The following ANKRD44 variants were observed in gnomAD, a reference collection of about 807,000 sequenced individuals.
The protein encoded by ANKRD44 is ankyrin repeat domain 44.
A neutral mutation model predicts 116.0 loss-of-function variants in ANKRD44; 35 were observed. The observed-to-expected ratio is 0.30, with a 90% CI of 0.23 to 0.40. The LOEUF (loss-of-function observed/expected upper bound fraction) is 0.40. Among genes scored for constraint, ANKRD44 ranks in the 10% least tolerant of loss-of-function variants. The pLI is 1.00. For synonymous variants in ANKRD44, 435 were observed against 461.8 expected (o/e 0.94, Z 0.74); for missense variants, 1,014 against 1,242.6 (o/e 0.82, Z 2.77).
chr2:197,184,934 C>A (rs1440207558), intron 2 of ANKRD44, among the ~76,000 whole-genome samples: 1 of 152,210 alleles, frequency 6.6e-6, no homozygotes, highest in Non-Finnish European at 1.5e-5. Context: ...CAGCTAGCAA[C>A]TGTTTTGTCA....
chr2:197,049,597 T>C (rs1370830868), intron 16 of ANKRD44, among the ~76,000 whole-genome samples: 1 of 152,232 alleles, frequency 6.6e-6, no homozygotes, highest in African/African-American at 2.4e-5. Flanking sequence ...TTTTCATGTT[T>C]TGTATATTAT....
At chr2:197,112,693 G>A (rs2078613512) in intron 8 of ANKRD44, among the ~76,000 whole-genome samples, 1 of 141,770 alleles carries the variant, frequency 7.1e-6, no homozygotes, top group Admixed American at 7.5e-5. Flanking sequence ...GGGCGACAGA[G>A]CGAGACTCCG....
chr2:197,083,429 T>C lies in ANKRD44; in HGVS notation c.1397A>G (p.Glu466Gly). Residue 466 changes from glutamate to glycine, a missense_variant, in exon 14 of 28, where the codon GAA becomes GGA. By Grantham distance (98) the Glu-to-Gly change is moderately conservative (BLOSUM62 -2). Coordinates refer to ENST00000282272, the MANE Select transcript of ANKRD44 (RefSeq NM_001195144.2). ...TLVTTGANVN[E>G]TDDWGRTALH... is the part of the protein sequence containing the mutation. ...AGCTGTGCGTCCCCAGTCATCTGTT[T>C]CATTAACGTTGGCCCCTGTGGTCAC... 1 of 1,614,032 alleles carries C rather than the reference T, an allele frequency of 6.2e-7. No homozygotes were observed. Among genetic ancestry groups the C allele is most frequent in the Non-Finnish European group, 8.5e-7 (1 of 1,179,952 alleles).
chr2:197,000,465 C>T lies in ANKRD44; in HGVS notation c.2473G>A (p.Gly825Arg). Residue 825 changes from glycine (G) to arginine (R), a missense_variant, in exon 23 of 28, where the codon GGG becomes AGG. Gly to Arg is a moderately radical substitution (Grantham distance 125, BLOSUM62 -2). Coordinates refer to ENST00000282272, the MANE Select transcript of ANKRD44 (RefSeq NM_001195144.2). ...DHGNCASLLL[G>R]AIDSSIVSCR... Reference sequence around the variant, plus strand: ...CTGACGATACTGGAATCTATGGCCCCAAGCAGCAATGATGCACAATTCCCA... The same window carrying T: ...CTGACGATACTGGAATCTATGGCCCTAAGCAGCAATGATGCACAATTCCCA... 1 of 1,614,092 alleles carries T rather than the reference C, an allele frequency of 6.2e-7. No individual in the cohort carries two copies. Among genetic ancestry groups the T allele is most frequent in the Non-Finnish European group, 8.5e-7 (1 of 1,180,008 alleles).
In ANKRD44 at chr2:197,121,311, C is replaced by G. The variant is rs2579400; in HGVS notation, c.906+21G>C. On this transcript the variant is annotated intron_variant, in intron 8 of 27. Coordinates refer to ENST00000282272, the MANE Select transcript of ANKRD44 (RefSeq NM_001195144.2). ...AAGCTCAATGCAAAGGCATTCAACACAGAGACTAAGAGTGTCATACCTGAA... is the reference window on the plus strand; with the variant it reads ...AAGCTCAATGCAAAGGCATTCAACAGAGAGACTAAGAGTGTCATACCTGAA... 1.4e-5 allele frequency: 22 copies of G among 1,608,154 alleles called. No homozygotes were observed. In the African/African-American group the frequency reaches 2.9e-4, roughly 21 times the overall value.
intron 22 of ANKRD44, 21 bp from the exon 23 acceptor site, chr2:197,000,523 A>C (rs756647412): frequency 6.3e-7 from 1 of 1,585,770 alleles, no homozygotes; most frequent in East Asian, 2.2e-5. Flanking sequence ...AATGGGTTTT[A>C]ATGTAACAAT....
intron 16 of ANKRD44, among the ~76,000 whole-genome samples, chr2:197,068,977 T>G (rs11899424): frequency 0.046 from 7,080 of 152,308 alleles, 209 homozygotes; most frequent in Middle Eastern, 0.11. Flanking sequence ...TAAATCATGC[T>G]GCTATAAAGA....
Position 197,083,498 on chromosome 2 carries a change from T to C in ANKRD44, c.1328A>G (p.His443Arg). Residue 443 changes from histidine to arginine, a missense_variant, in exon 14 of 28, where the codon CAC becomes CGC. Transcript: ENST00000282272. ...KKDKCGRTPL[H>R]YAAANCHFHC... ...GAAATGACAATTCGCAGCTGCATAG[T>C]GCAAAGGGGTCCTGAAAAACAAACA... 1 of 1,611,388 alleles carries C rather than the reference T, an allele frequency of 6.2e-7. No homozygotes were observed. The highest frequency in any genetic ancestry group is 8.5e-7 in the Non-Finnish European group (1 of 1,178,640).
intron 2 of ANKRD44, among the ~76,000 whole-genome samples, chr2:197,182,087 T>C (rs1228358569): frequency 6.6e-6 from 1 of 152,232 alleles, no homozygotes; most frequent in African/African-American, 2.4e-5. Flanking sequence ...AATGCCTTTA[T>C]TGAATTCAAA....
At chr2:197,287,594 A>AGGAG (rs2105858328) in intron 1 of ANKRD44, among the ~76,000 whole-genome samples, 1 of 152,286 alleles carries the variant, frequency 6.6e-6, no homozygotes, top group African/African-American at 2.4e-5. Context: ...CACACAGACA[A>AGGAG]CCACACATCA....
intron 1 of ANKRD44, among the ~76,000 whole-genome samples, chr2:197,288,032 A>AAG (rs1553550564): frequency 2.0e-5 from 3 of 151,202 alleles, no homozygotes; most frequent in African/African-American, 2.4e-5. Flanking sequence ...AAAAAAAAAA[A>AAG]AAAAGAAAAA....
rs549611104 is a variant in ANKRD44 at position 197,108,294 on chromosome 2, A to G, written c.985+2472T>C. On this transcript the variant is annotated intron_variant, in intron 9 of 27. Transcript: ENST00000282272. ...TCTCATAGGGTGGTTGAAAGGCTTT[A>G]TAAGTGGTGTTTAGCCAAGTGCCTG... Among the ~76,000 whole-genome samples, 4 of 152,342 alleles carry G rather than the reference A, an allele frequency of 2.6e-5. No individual in the cohort carries two copies. In the East Asian group the frequency reaches 7.7e-4, roughly 29 times the overall value.
rs1383805695 is a variant in ANKRD44 at position 196,986,838 on chromosome 2, AT to A, written c.*2752del. ...AAAGTCATTCACTGAACTAAAAGTC[AT>A]TTTCCCCATTTTTACAGTCATGACA... On this transcript the variant is annotated 3_prime_UTR_variant, in exon 28 of 28. Coordinates refer to ENST00000282272, the MANE Select transcript of ANKRD44 (RefSeq NM_001195144.2). The A allele has an allele frequency of 2.0e-6, 2 of 985,294 alleles. No homozygotes were observed. The highest frequency in any genetic ancestry group is 2.4e-6 in the Non-Finnish European group (2 of 829,918). The allele number at this position is 985,294 out of a possible 1,614,324, so 61.0% of individuals were successfully genotyped here. A position where few individuals can be genotyped will look rare whatever the true frequency, so the allele number is the denominator to read the frequency against.
intron 8 of ANKRD44, among the ~76,000 whole-genome samples, chr2:197,116,585 T>A (rs2078714743): frequency 6.6e-6 from 1 of 152,172 alleles, no homozygotes; most frequent in African/African-American, 2.4e-5. Flanking sequence ...CGACACTCCT[T>A]CCTGTCTCCT....
chr2:197,181,854 C>T (rs547266638), intron 2 of ANKRD44, among the ~76,000 whole-genome samples: 24 of 152,266 alleles, frequency 1.6e-4, no homozygotes, highest in Admixed American at 1.4e-3. Context: ...AGTCTAGTTC[C>T]GTTTTAATTT....
chr2:197,105,636 A>G (rs1384611215), intron 9 of ANKRD44, among the ~76,000 whole-genome samples: 1 of 152,216 alleles, frequency 6.6e-6, no homozygotes, highest in East Asian at 1.9e-4. Flanking sequence ...CTAATTTTAT[A>G]ATCAGGAAAA....
chr2:196,971,442 C>T (rs932268708), intron 21 of ANKRD44, among the ~76,000 whole-genome samples: 1 of 152,110 alleles, frequency 6.6e-6, no homozygotes, highest in Non-Finnish European at 1.5e-5. Context: ...CTGCAACCTT[C>T]CCCTCCTGGG....
chr2:197,154,154 T>C (rs2079738139), intron 2 of ANKRD44, among the ~76,000 whole-genome samples: 1 of 151,566 alleles, frequency 6.6e-6, no homozygotes, highest in Non-Finnish European at 1.5e-5. Context: ...TCCTCGCCAA[T>C]ATCTGATGCT....
At chr2:197,072,083 G>T (rs1427488984) in intron 16 of ANKRD44, among the ~76,000 whole-genome samples, 3 of 136,244 alleles carry the variant, frequency 2.2e-5, no homozygotes, top group African/African-American at 5.7e-5. Flanking sequence ...AGGAAGGAAG[G>T]AAGGAAGGAA....
Sources: gnomAD v4.1 joint callset for allele counts (sites outside exome capture counted in the v4.1 genomes callset) on GRCh38, gnomAD v4.1.1 for gene constraint, MANE v1.5 for transcripts, NCBI Gene and HGNC (gene_info 2026-07-23, HGNC 2026-07-21) for gene names.